BNC2: variants seen among roughly 807,000 people sequenced by gnomAD.
The protein encoded by BNC2 is zinc finger protein basonuclin-2.
Under a neutral mutation model 76.3 loss-of-function variants are expected in BNC2, and 20 were observed. The observed-to-expected ratio is 0.26, with a 90% CI of 0.18 to 0.38. The LOEUF (loss-of-function observed/expected upper bound fraction) is 0.38, where lower values mean the gene tolerates loss of function less well. Ranked by LOEUF, BNC2 falls within the 10% of genes least tolerant of loss-of-function variation. The pLI is 1.00. For synonymous variants in BNC2, 582 were observed against 514.8 expected, an observed-to-expected ratio of 1.13 and a Z score of -1.77; for missense variants, 1,382 against 1,399.8, an observed-to-expected ratio of 0.99 and a Z score of 0.20.
chr9:16,482,604 T>C (rs1822081579), intron 5 of BNC2, among the ~76,000 whole-genome samples: 2 of 152,242 alleles, frequency 1.3e-5, no homozygotes, highest in African/African-American at 2.4e-5. Context: ...AGAAGGATGA[T>C]GAGACATATA....
intron 1 of BNC2, among the ~76,000 whole-genome samples, chr9:16,845,172 A>G (rs2136118168): frequency 6.6e-6 from 1 of 152,364 alleles, no homozygotes; most frequent in African/African-American, 2.4e-5. Flanking sequence ...TCTCTTAGGC[A>G]GCCTATCAGT....
Position 16,583,407 on chromosome 9 carries a change from TTGC to T in BNC2, c.331-325_331-323del, listed in dbSNP as rs1819683266. Among the ~76,000 whole-genome samples, 4 of 152,148 alleles carry T rather than the reference TTGC, an allele frequency of 2.6e-5. No homozygotes were observed. The South Asian group carries it at 8.3e-4, about 31-fold the overall frequency. On this transcript the variant is annotated intron_variant, in intron 3 of 6. Transcript: ENST00000380672. ...CAAATCCAAAAAAGAAAAAAGTATA[TTGC>T]TGCTAATATATATTTCCACTTAAAT...
intron 5 of BNC2, among the ~76,000 whole-genome samples, chr9:16,492,863 A>G (rs1446554748): frequency 6.6e-6 from 1 of 152,058 alleles, no homozygotes; most frequent in Non-Finnish European, 1.5e-5. Context: ...CAGTCTGGGT[A>G]GTCTGAAACG....
chr9:16,459,051 T>C (rs1821516952), intron 5 of BNC2, among the ~76,000 whole-genome samples: 1 of 152,144 alleles, frequency 6.6e-6, no homozygotes, highest in African/African-American at 2.4e-5. Context: ...CTCTTGTGAA[T>C]AACACCATTA....
chr9:16,552,367 T>G (rs1455816482), intron 5 of BNC2, among the ~76,000 whole-genome samples, 163 bp downstream of exon 5: 1 of 152,204 alleles, frequency 6.6e-6, no homozygotes, highest in Non-Finnish European at 1.5e-5. Context: ...GATGGTGGCC[T>G]GCTTTGTCTC....
At chr9:16,449,850 AGG>A (rs1821304993) in intron 5 of BNC2, among the ~76,000 whole-genome samples, 1 of 119,044 alleles carries the variant, frequency 8.4e-6, no homozygotes, top group African/African-American at 3.8e-5. Flanking sequence ...GCGGGGGGGG[AGG>A]GTAACTAAAA....
At chr9:16,531,322 C>T (rs552978930) in intron 5 of BNC2, among the ~76,000 whole-genome samples, 14 of 151,452 alleles carry the variant, frequency 9.2e-5, no homozygotes, top group Admixed American at 4.6e-4. Context: ...TTCTCCTTCA[C>T]ATGTGCAAAA....
intron 4 of BNC2, among the ~76,000 whole-genome samples, chr9:16,556,134 T>C (rs1370677136): frequency 2.0e-5 from 3 of 151,900 alleles, no homozygotes; most frequent in Non-Finnish European, 4.4e-5. Context: ...ACCCTGTCTC[T>C]ACAAAAAAAT....
intron 3 of BNC2, chr9:16,726,771 A>C (rs1233394956): frequency 6.6e-6 from 1 of 152,180 alleles, no homozygotes; most frequent in African/African-American, 2.4e-5. Flanking sequence ...GCTTTGGAAA[A>C]GCAAGACGTG....
intron 1 of BNC2, among the ~76,000 whole-genome samples, chr9:16,756,774 G>C (rs2135339001): frequency 6.6e-6 from 1 of 152,216 alleles, no homozygotes. Flanking sequence ...GAAATCACAA[G>C]GTCAGGAGAT....
At chr9:16,786,752 A>AT (rs1390418233) in intron 1 of BNC2, among the ~76,000 whole-genome samples, 5 of 152,252 alleles carry the variant, frequency 3.3e-5, no homozygotes, top group African/African-American at 1.2e-4. Context: ...GATGACTGTG[A>AT]TACAGGTGGG....
At chr9:16,657,368 T>C (rs1821959571) in intron 3 of BNC2, among the ~76,000 whole-genome samples, 1 of 152,108 alleles carries the variant, frequency 6.6e-6, no homozygotes, top group Admixed American at 6.5e-5. Context: ...GTCAGTGGCA[T>C]CAAATGTCAC....
intron 1 of BNC2, among the ~76,000 whole-genome samples, chr9:16,844,022 C>T (rs963896130): frequency 1.3e-5 from 2 of 152,174 alleles, no homozygotes; most frequent in East Asian, 1.9e-4. Flanking sequence ...TTGCTCACAC[C>T]TACGAAGCAC....
At chr9:16,812,536 G>A (rs531175798) in intron 1 of BNC2, among the ~76,000 whole-genome samples, 1 of 152,316 alleles carries the variant, frequency 6.6e-6, no homozygotes. Context: ...ACCACAGGCA[G>A]AGATGCAATT....
chr9:16,715,099 C>T (rs1285874983), intron 3 of BNC2, among the ~76,000 whole-genome samples: 1 of 152,172 alleles, frequency 6.6e-6, no homozygotes, highest in Non-Finnish European at 1.5e-5. Flanking sequence ...AAGAATCTAC[C>T]GCTTTAAGGT....
intron 3 of BNC2, among the ~76,000 whole-genome samples, chr9:16,659,545 T>A (rs1406906227): frequency 6.6e-6 from 1 of 150,632 alleles, no homozygotes; most frequent in African/African-American, 2.4e-5. Context: ...GAGGCGGAAA[T>A]TGAAGTTAGC....
chr9:16,826,605 T>A (rs921941465), intron 1 of BNC2, among the ~76,000 whole-genome samples: 3 of 152,236 alleles, frequency 2.0e-5, no homozygotes. Context: ...TGGACTCTTT[T>A]ACTTTTTACT....
intron 3 of BNC2, among the ~76,000 whole-genome samples, chr9:16,653,983 A>G (rs945307655): frequency 6.6e-6 from 1 of 151,500 alleles, no homozygotes; most frequent in Non-Finnish European, 1.5e-5. Context: ...TACTTTACTC[A>G]GGTACAGAGG....
At chr9:16,629,908 G>A (rs938134192) in intron 3 of BNC2, among the ~76,000 whole-genome samples, 5 of 152,104 alleles carry the variant, frequency 3.3e-5, no homozygotes, top group African/African-American at 1.2e-4. Context: ...GGGTGGCTGT[G>A]GTGTCTACTC....
Sources: allele counts gnomAD v4.1 joint callset (sites outside exome capture counted in the v4.1 genomes callset), GRCh38; gene constraint gnomAD v4.1.1; transcripts MANE v1.5; gene names NCBI Gene and HGNC (gene_info 2026-07-23, HGNC 2026-07-21).